ALPK1: variants seen among roughly 807,000 people sequenced by gnomAD.
The protein encoded by ALPK1 is alpha-protein kinase 1.
A neutral mutation model predicts 120.6 loss-of-function variants in ALPK1; 110 were observed. The observed-to-expected ratio is 0.91, with a 90% CI of 0.78 to 1.07. ALPK1 has a LOEUF of 1.07. Ranked by LOEUF, ALPK1 falls within the 50% of genes least tolerant of loss-of-function variation. ALPK1 has a pLI of 0.00. For synonymous variants in ALPK1, 582 were observed against 560.3 expected, an observed-to-expected ratio of 1.04 and a Z score of -0.55; for missense variants, 1,498 against 1,483.9, an observed-to-expected ratio of 1.01 and a Z score of -0.16.
chr4:112,426,354 G>C lies in ALPK1; in HGVS notation c.623-113G>C, dbSNP rs761902563. 6.9e-6 allele frequency: 5 copies of C among 722,256 alleles called. No individual in the cohort carries two copies. In the African/African-American group the frequency reaches 9.1e-5, roughly 13 times the overall value. The allele number at this position is 722,256 out of a possible 1,614,324, so 44.7% of individuals were successfully genotyped here. ...AATCTAAGCCTAAGTTTTCCTAACA[G>C]AATCTAATGAGTCTTGGTTCTGTAT... On this transcript the variant is annotated intron_variant, in intron 7 of 15. Coordinates refer to ENST00000650871, the MANE Select transcript of ALPK1 (RefSeq NM_025144.4).
intron 5 of ALPK1, among the ~76,000 whole-genome samples, chr4:112,417,542 A>G (rs2148753334): frequency 6.6e-6 from 1 of 152,302 alleles, no homozygotes; most frequent in East Asian, 1.9e-4. Flanking sequence ...GCTAGAGTAC[A>G]GTGGTGCAAT....
intron 1 of ALPK1, among the ~76,000 whole-genome samples, chr4:112,304,684 C>G (rs1364916451): frequency 1.3e-5 from 2 of 152,030 alleles, no homozygotes; most frequent in South Asian, 2.1e-4. Flanking sequence ...CAAAAATTTT[C>G]TCCCATTCTG....
rs781656918 is a variant in ALPK1 at position 112,430,849 on chromosome 4, CGA to C, written c.1306_1307del (p.Ser436PhefsTer7). 20 of 1,614,040 alleles carry C rather than the reference CGA, an allele frequency of 1.2e-5. No homozygotes were observed. The East Asian group carries it at 2.7e-4, about 22-fold the overall frequency. ...SNVDDRSYVP[E>X]SFECRLDKLI... is the part of the protein sequence containing the mutation. Reference sequence around the variant, plus strand: ...ATGTAGATGACAGATCTTATGTTCCCGAGAGTTTCGAGTGCAGGTTGGATAAA... The same window carrying C: ...ATGTAGATGACAGATCTTATGTTCCCGAGTTTCGAGTGCAGGTTGGATAAA... On this transcript the variant is annotated frameshift_variant, in exon 11 of 16. Transcript: ENST00000650871. LOFTEE classifies it high-confidence loss of function.
chr4:112,372,670 T>C (rs918818377), intron 2 of ALPK1, among the ~76,000 whole-genome samples: 33 of 152,172 alleles, frequency 2.2e-4, no homozygotes, highest in Non-Finnish European at 4.4e-4. Flanking sequence ...TGCAGGTATA[T>C]AATATATTGT....
intron 2 of ALPK1, among the ~76,000 whole-genome samples, chr4:112,377,190 T>G (rs1731704314): frequency 6.6e-6 from 1 of 152,216 alleles, no homozygotes; most frequent in Non-Finnish European, 1.5e-5. Context: ...TTGGCATTTG[T>G]CATTGCCTAT....
rs187323342 is a variant in ALPK1, at chr4:112,376,251, A to G, written c.-100-1427A>G. Among the ~76,000 whole-genome samples, 3 of 152,242 alleles carry G rather than the reference A, an allele frequency of 2.0e-5. No individual in the cohort carries two copies. In the East Asian group the frequency reaches 5.8e-4, roughly 29 times the overall value. On this transcript the variant is annotated intron_variant, in intron 2 of 15. Transcript: ENST00000650871. ...ATTCCTCAGTATCTCACTTAAGTGA[A>G]TGCCCTTTCAAGTAACACAAATTTT...
At chr4:112,359,381 AC>A (rs1730804841) in intron 2 of ALPK1, 1 of 354,278 alleles carries the variant, frequency 2.8e-6, no homozygotes, top group Non-Finnish European at 5.4e-6. Context: ...TGCTGGCCCT[AC>A]TGGCTGCCCT....
intron 5 of ALPK1, among the ~76,000 whole-genome samples, chr4:112,417,776 G>A (rs1021845613): frequency 7.2e-5 from 11 of 152,140 alleles, no homozygotes; most frequent in South Asian, 2.1e-4. Context: ...ATGAGTCACC[G>A]TGCCTGGCTG....
chr4:112,345,116 T>C (rs1730049281), intron 2 of ALPK1, among the ~76,000 whole-genome samples: 1 of 152,228 alleles, frequency 6.6e-6, no homozygotes, highest in African/African-American at 2.4e-5. Context: ...GCTGCCATGC[T>C]CATTCAGAGT....
chr4:112,423,539 C>T (rs1734093675), intron 5 of ALPK1, among the ~76,000 whole-genome samples: 1 of 152,188 alleles, frequency 6.6e-6, no homozygotes, highest in South Asian at 2.1e-4. Flanking sequence ...CCTCACTCCC[C>T]ACCCCCAAAT....
intron 2 of ALPK1, among the ~76,000 whole-genome samples, chr4:112,322,922 A>G (rs1027829331): frequency 3.3e-5 from 5 of 152,230 alleles, no homozygotes; most frequent in African/African-American, 9.6e-5. Context: ...TACTTTGCCA[A>G]TGTAAAGTGT....
intron 3 of ALPK1, among the ~76,000 whole-genome samples, chr4:112,381,297 G>A (rs1731894472): frequency 1.3e-5 from 2 of 152,102 alleles, no homozygotes; most frequent in East Asian, 1.9e-4. Context: ...TTTCAGATTC[G>A]GGGAACTTAG....
At position 112,361,981 on chromosome 4, in the gene ALPK1, G is replaced by A. The variant is rs185956629; in HGVS notation, c.-100-15697G>A. On this transcript the variant is annotated intron_variant, in intron 2 of 15. Coordinates refer to ENST00000650871, the MANE Select transcript of ALPK1 (RefSeq NM_025144.4). The stretch of plus-strand genomic sequence containing the variant: ...CTCTGCTGGGTGGCTAAATCAAGAA[G>A]AGCAATAACAATCACTGCAGTCTGG... 1.3e-4 allele frequency among the ~76,000 whole-genome samples: 20 copies of A among 152,338 alleles called. No individual in the cohort carries two copies. In the East Asian group the frequency reaches 3.7e-3, roughly 28 times the overall value.
intron 2 of ALPK1, among the ~76,000 whole-genome samples, chr4:112,316,507 CT>C (rs1218634422): frequency 6.6e-6 from 1 of 152,096 alleles, no homozygotes; most frequent in Non-Finnish European, 1.5e-5. Context: ...GCTTTCAATT[CT>C]TTTGGGTGTA....
At chr4:112,373,355 AC>A (rs1371008740) in intron 2 of ALPK1, among the ~76,000 whole-genome samples, 1 of 152,148 alleles carries the variant, frequency 6.6e-6, no homozygotes, top group Admixed American at 6.5e-5. Context: ...AGCAGCCTTT[AC>A]TGCTCAGTTC....
chr4:112,380,575 A>G (rs1470744602), intron 3 of ALPK1, among the ~76,000 whole-genome samples: 1 of 152,132 alleles, frequency 6.6e-6, no homozygotes. Context: ...AATGGCTCAT[A>G]AAAAGGGATC....
chr4:112,344,255 G>A (rs771377354), intron 2 of ALPK1, among the ~76,000 whole-genome samples: 6 of 142,006 alleles, frequency 4.2e-5, no homozygotes, highest in African/African-American at 7.7e-5. Flanking sequence ...AAACTCCCTC[G>A]CACTTGGAGA....
chr4:112,357,875 G>A (rs1245301871), intron 2 of ALPK1: 3 of 1,166,018 alleles, frequency 2.6e-6, no homozygotes, highest in East Asian at 4.7e-5. Context: ...GAGGCGCTGA[G>A]GCCGCTGTTT....
intron 2 of ALPK1, chr4:112,358,841 C>T (rs1376534168): frequency 4.5e-5 from 36 of 797,802 alleles, no homozygotes; most frequent in Non-Finnish European, 8.0e-5. Context: ...TCACCCAGGC[C>T]CTGCAGGACC....
Sources: gnomAD v4.1 joint callset for allele counts (sites outside exome capture counted in the v4.1 genomes callset) on GRCh38, gnomAD v4.1.1 for gene constraint, MANE v1.5 for transcripts, NCBI Gene and HGNC (gene_info 2026-07-23, HGNC 2026-07-21) for gene names.